Variants in TULP4 observed in about 807,000 individuals in gnomAD.
TULP4 encodes tubby-related protein 4.
Under a neutral mutation model 129.0 loss-of-function variants are expected in TULP4, and 16 were observed. The ratio of observed to expected loss-of-function variants is 0.12; its 90% CI spans 0.08 to 0.19. The LOEUF (loss-of-function observed/expected upper bound fraction) is 0.19. TULP4 is among the 10% of genes least tolerant of loss of function. TULP4 has a pLI of 1.00. For synonymous variants in TULP4, 998 were observed against 854.0 expected, an observed-to-expected ratio of 1.17 and a Z score of -2.94; for missense variants, 1,842 against 2,059.1, an observed-to-expected ratio of 0.89 and a Z score of 2.04.
chr6:158,354,538 A>G (rs997564197), intron 1 of TULP4, among the ~76,000 whole-genome samples: 4 of 152,138 alleles, frequency 2.6e-5, no homozygotes, highest in African/African-American at 9.7e-5. Context: ...TTCTTGTTTC[A>G]TTGCTTTAGG....
intron 6 of TULP4, among the ~76,000 whole-genome samples, chr6:158,475,820 T>C (rs1471201128): frequency 6.6e-6 from 1 of 152,252 alleles, no homozygotes; most frequent in Non-Finnish European, 1.5e-5. Flanking sequence ...TGACTCTTGT[T>C]CTTGCCAAAA....
At chr6:158,501,569 G>C in intron 12 of TULP4, 109 bp from the exon 13 acceptor site, 1 of 1,137,428 alleles carries the variant, frequency 8.8e-7, no homozygotes, top group Non-Finnish European at 1.2e-6. Context: ...CTGGCAATTT[G>C]CATTTTGTTT....
chr6:158,379,794 G>A (rs756371591), intron 1 of TULP4, among the ~76,000 whole-genome samples: 2 of 152,154 alleles, frequency 1.3e-5, no homozygotes, highest in Admixed American at 6.5e-5. Flanking sequence ...GCATTCCAGA[G>A]CTCTGCTTTG....
intron 1 of TULP4, chr6:158,397,809 A>G (rs1301767750): frequency 6.6e-6 from 1 of 152,230 alleles, no homozygotes; most frequent in Non-Finnish European, 1.5e-5. Flanking sequence ...ATTGTTTGTC[A>G]TTGCAGCAAA....
intron 1 of TULP4, among the ~76,000 whole-genome samples, chr6:158,241,265 G>A (rs1300351685): frequency 8.1e-6 from 1 of 123,016 alleles, no homozygotes; most frequent in Non-Finnish European, 1.8e-5. Flanking sequence ...TTTCCAGACT[G>A]GGCAGCCAGG....
At chr6:158,417,287 T>C (rs1314852688) in intron 2 of TULP4, among the ~76,000 whole-genome samples, 1 of 152,064 alleles carries the variant, frequency 6.6e-6, no homozygotes, top group African/African-American at 2.4e-5. Context: ...TTTCTTTCCA[T>C]TGAGGGTTTG....
At chr6:158,452,321 G>C in intron 5 of TULP4, 53 bp downstream of exon 5, 1 of 1,598,886 alleles carries the variant, frequency 6.3e-7, no homozygotes, top group Non-Finnish European at 8.5e-7. Flanking sequence ...GTGTGTGCTT[G>C]CCTCAAGGCC....
rs1401289901 is a variant in TULP4 at position 158,331,726 on chromosome 6, C to CGTGT, written c.252+17458_252+17459insGTGT. ...ACACACACACACACACACACACACA[C>CGTGT]ACATACGTATATATATACGTGTATA... On this transcript the variant is annotated intron_variant, in intron 1 of 13. Coordinates refer to ENST00000367097, the MANE Select transcript of TULP4 (RefSeq NM_020245.5). Among the ~76,000 whole-genome samples the CGTGT allele has an allele frequency of 1.8e-3, 59 of 33,076 alleles. 3 individuals carry two copies. Among genetic ancestry groups the CGTGT allele is most frequent in the African/African-American group, 4.6e-3 (40 of 8,728 alleles). The allele number at this position is 33,076 out of a possible 152,430, so 21.7% of individuals were successfully genotyped here. A position where few individuals can be genotyped will look rare whatever the true frequency, so the allele number is the denominator to read the frequency against.
intron 1 of TULP4, among the ~76,000 whole-genome samples, chr6:158,331,102 CCT>C (rs1188578514): frequency 6.6e-6 from 1 of 152,066 alleles, no homozygotes; most frequent in Non-Finnish European, 1.5e-5. Flanking sequence ...TTTTTTTCCC[CCT>C]GTATTTGATA....
At chr6:158,495,610 A>G (rs922019954) in intron 11 of TULP4, among the ~76,000 whole-genome samples, 2 of 152,210 alleles carry the variant, frequency 1.3e-5, no homozygotes, top group Non-Finnish European at 2.9e-5. Context: ...TGGGAATACA[A>G]GGTTGGCAGA....
At chr6:158,267,947 C>T (rs1197796355) in intron 1 of TULP4, among the ~76,000 whole-genome samples, 1 of 151,770 alleles carries the variant, frequency 6.6e-6, no homozygotes, top group Non-Finnish European at 1.5e-5. Flanking sequence ...TGGTACCTCA[C>T]TCTGTTTTCC....
At chr6:158,265,529 A>G (rs916063909) in intron 1 of TULP4, among the ~76,000 whole-genome samples, 1 of 151,968 alleles carries the variant, frequency 6.6e-6, no homozygotes, top group African/African-American at 2.4e-5. Context: ...AAAAGAAAAA[A>G]AAAAATTAGC....
At chr6:158,244,730 G>A (rs1331801365) in intron 1 of TULP4, among the ~76,000 whole-genome samples, 1 of 152,184 alleles carries the variant, frequency 6.6e-6, no homozygotes, top group Non-Finnish European at 1.5e-5. Flanking sequence ...GGTGGCTCAT[G>A]CCTGTAGTCC....
intron 3 of TULP4, among the ~76,000 whole-genome samples, chr6:158,430,966 A>G (rs972768686): frequency 5.9e-5 from 9 of 152,030 alleles, no homozygotes; most frequent in African/African-American, 2.2e-4. Context: ...TAGTCACTAT[A>G]TATTTAATGT....
Position 158,461,728 on chromosome 6 carries a change from A to G in TULP4, c.1025A>G (p.Gln342Arg). The change falls in exon 6 of 14, where the codon CAG becomes CGG. Residue 342 changes from glutamine to arginine, a missense_variant and splice_region_variant. Gln to Arg is a conservative substitution (Grantham distance 43, BLOSUM62 1). Coordinates refer to ENST00000367097, the MANE Select transcript of TULP4 (RefSeq NM_020245.5). ...EHIFTLDTLV[Q>R]RPIISICWGH... ...ATCTTCACACTGGACACTCTCGTGC[A>G]GGTAAGGATGTTCTCTGGAAACAAG... 2.5e-6 allele frequency: 4 copies of G among 1,613,556 alleles called. No homozygotes were observed. Among genetic ancestry groups the G allele is most frequent in the Non-Finnish European group, 3.4e-6 (4 of 1,179,742 alleles).
intron 1 of TULP4, among the ~76,000 whole-genome samples, chr6:158,342,851 T>C (rs1780212370): frequency 6.6e-6 from 1 of 152,224 alleles, no homozygotes; most frequent in Non-Finnish European, 1.5e-5. Context: ...ATTTATTTCA[T>C]ATATAAAATA....
chr6:158,434,480 A>C lies in TULP4; in HGVS notation c.543+4583A>C, dbSNP rs144531655. Among the ~76,000 whole-genome samples, 401 of 152,330 alleles carry C rather than the reference A, an allele frequency of 2.6e-3. 1 individual carries two copies. The highest frequency in any genetic ancestry group is 4.2e-3 in the Non-Finnish European group (285 of 68,024). ...CTAAGTTGACGCAGAGTAATGCTGC[A>C]ACAGTGAAGCTTTTGCAGTTCTGGA... On this transcript the variant is annotated intron_variant, in intron 3 of 13. Transcript: ENST00000367097.
At chr6:158,379,163 G>A (rs1252913106) in intron 1 of TULP4, among the ~76,000 whole-genome samples, 1 of 152,134 alleles carries the variant, frequency 6.6e-6, no homozygotes, top group East Asian at 1.9e-4. Flanking sequence ...AGAGTTGACA[G>A]GACTTACCAG....
At chr6:158,329,981 A>T (rs1308209318) in intron 1 of TULP4, among the ~76,000 whole-genome samples, 1 of 152,178 alleles carries the variant, frequency 6.6e-6, no homozygotes, top group Admixed American at 6.6e-5. Flanking sequence ...CAATAGAAAC[A>T]TAATATTAAC....
Sources: allele counts gnomAD v4.1 joint callset (sites outside exome capture counted in the v4.1 genomes callset), GRCh38; gene constraint gnomAD v4.1.1; transcripts MANE v1.5; gene names NCBI Gene and HGNC (gene_info 2026-07-23, HGNC 2026-07-21).